KLF17: variants seen among roughly 807,000 people sequenced by gnomAD.
The protein encoded by KLF17 is KLF transcription factor 17, also known as Krueppel-like factor 17.
In KLF17, 31 loss-of-function variants were observed where a neutral mutation model predicts 34.2. That is an observed-to-expected ratio of 0.91 (90% CI 0.68 to 1.22). KLF17 has a LOEUF of 1.22. Ranked by LOEUF, KLF17 falls within the 50% of genes most tolerant of loss-of-function variation. The pLI, the probability that KLF17 is intolerant of heterozygous loss-of-function variation, is 0.00. For missense variants in KLF17, 478 were observed against 505.2 expected (o/e 0.95, Z 0.52); for synonymous variants, 179 against 186.7 (o/e 0.96, Z 0.34).
At chr1:44,045,646 A>C in the KLF17 span, among the ~76,000 whole-genome samples, 4 of 152,202 alleles carry the variant, frequency 2.6e-5, no homozygotes, top group Admixed American at 2.6e-4. Flanking sequence ...GGCAATAGTT[A>C]AACAGTTGCC....
the KLF17 span, among the ~76,000 whole-genome samples, chr1:44,092,443 A>G: frequency 6.6e-6 from 1 of 152,306 alleles, no homozygotes; most frequent in African/African-American, 2.4e-5. Flanking sequence ...ATAGCCAAAA[A>G]CAGATTAAAC....
the KLF17 span, among the ~76,000 whole-genome samples, chr1:44,057,370 A>T: frequency 6.6e-6 from 1 of 152,126 alleles, no homozygotes; most frequent in Non-Finnish European, 1.5e-5. Context: ...CCCATACAAC[A>T]TCACTCAGAG....
chr1:44,088,806 G>A, the KLF17 span, among the ~76,000 whole-genome samples: 1 of 152,186 alleles, frequency 6.6e-6, no homozygotes. Flanking sequence ...GATCACTGGA[G>A]CTAGAGCGTT....
At chr1:44,054,105 C>T in the KLF17 span, among the ~76,000 whole-genome samples, 3 of 152,146 alleles carry the variant, frequency 2.0e-5, no homozygotes, top group Non-Finnish European at 2.9e-5. Context: ...ATTTCAGGGC[C>T]GTTTTCTTGG....
upstream of KLF17, among the ~76,000 whole-genome samples, chr1:44,118,685 C>T (rs529381298): frequency 1.4e-5 from 2 of 143,254 alleles, no homozygotes; most frequent in East Asian, 4.7e-4. Context: ...GTCCGTGAGG[C>T]TGCCTTGGTT....
chr1:44,102,485 G>T, the KLF17 span, among the ~76,000 whole-genome samples: 2 of 150,544 alleles, frequency 1.3e-5, 1 homozygote, highest in Non-Finnish European at 2.9e-5. Context: ...CCCAGGAGAT[G>T]GAGGTTGCAG....
At chr1:44,055,944 C>T in the KLF17 span, among the ~76,000 whole-genome samples, 4 of 152,296 alleles carry the variant, frequency 2.6e-5, no homozygotes, top group East Asian at 1.9e-4. Context: ...GCAATCCTTA[C>T]GAATATTTAC....
chr1:44,115,722 G>T (rs1327217041), upstream of KLF17: 1 of 152,074 alleles, frequency 6.6e-6, no homozygotes, highest in African/African-American at 2.4e-5. Flanking sequence ...TAGATGCTTT[G>T]GTTTTATTAA....
upstream of KLF17, among the ~76,000 whole-genome samples, chr1:44,117,565 G>C (rs906457969): frequency 4.7e-5 from 7 of 150,446 alleles, no homozygotes; most frequent in Non-Finnish European, 1.0e-4. Flanking sequence ...GCGCGATCTC[G>C]ACACACTGGA....
chr1:44,116,694 C>G (rs1314941920), upstream of KLF17, among the ~76,000 whole-genome samples: 1 of 152,174 alleles, frequency 6.6e-6, no homozygotes, highest in African/African-American at 2.4e-5. Flanking sequence ...TTATTTCAAC[C>G]TCTCAGGTTC....
the KLF17 span, among the ~76,000 whole-genome samples, chr1:44,079,378 C>T: frequency 1.8e-4 from 27 of 150,086 alleles, no homozygotes; most frequent in South Asian, 8.5e-4. Flanking sequence ...CACAGTTCAG[C>T]CTCGACCTCC....
chr1:44,099,906 AAAG>A, the KLF17 span, among the ~76,000 whole-genome samples: 8 of 63,718 alleles, frequency 1.3e-4, no homozygotes, highest in East Asian at 3.2e-3. Context: ...AGAAAGAAAG[AAAG>A]AAAGAAAGAA....
intron 1 of KLF17, among the ~76,000 whole-genome samples, chr1:44,120,288 C>T (rs935578188): frequency 1.3e-5 from 2 of 152,156 alleles, no homozygotes; most frequent in African/African-American, 2.4e-5. Context: ...TTCGCCAGAG[C>T]GAAGATTCCA....
At chr1:44,103,612 C>G in the KLF17 span, 1 of 1,608,132 alleles carries the variant, frequency 6.2e-7, no homozygotes, top group East Asian at 2.2e-5. Context: ...GTGGCGATCT[C>G]GATCTCGATG....
intron 1 of KLF17, among the ~76,000 whole-genome samples, chr1:44,128,755 G>A (rs760565085): frequency 6.6e-6 from 1 of 152,142 alleles, no homozygotes; most frequent in Non-Finnish European, 1.5e-5. Context: ...GCTCACGCCT[G>A]TAATCCCAGC....
chr1:44,048,866 GC>G, the KLF17 span, among the ~76,000 whole-genome samples: 1 of 152,254 alleles, frequency 6.6e-6, no homozygotes, highest in Non-Finnish European at 1.5e-5. Flanking sequence ...GGTTTAATAA[GC>G]TTTTTATTGG....
chr1:44,090,583 C>G, the KLF17 span, among the ~76,000 whole-genome samples: 1 of 152,012 alleles, frequency 6.6e-6, no homozygotes, highest in African/African-American at 2.4e-5. Flanking sequence ...AAAGATTGAT[C>G]TGAAATCATT....
chr1:44,087,614 G>C, the KLF17 span, among the ~76,000 whole-genome samples: 1 of 149,570 alleles, frequency 6.7e-6, no homozygotes, highest in African/African-American at 2.5e-5. Flanking sequence ...GTACAAGCAG[G>C]GTATGGTAGG....
At chr1:44,118,746 G>A (rs1023278517), upstream of KLF17, 2 of 508,086 alleles carry the variant, frequency 3.9e-6, no homozygotes, top group African/African-American at 2.0e-5. Flanking sequence ...CGAGGGCGGC[G>A]CAGGGCGGGA....
Sources: allele counts gnomAD v4.1 joint callset (sites outside exome capture counted in the v4.1 genomes callset), GRCh38; gene constraint gnomAD v4.1.1; transcripts MANE v1.5; gene names NCBI Gene and HGNC (gene_info 2026-07-23, HGNC 2026-07-21).